AZIN1: variants seen among roughly 807,000 people sequenced by gnomAD.
AZIN1 encodes antizyme inhibitor 1, also known as ornithine decarboxylase antizyme inhibitor.
A neutral mutation model predicts 47.4 loss-of-function variants in AZIN1; 12 were observed. The observed-to-expected ratio is 0.25, with a 90% confidence interval of 0.16 to 0.41. The LOEUF (loss-of-function observed/expected upper bound fraction) is 0.41. Among genes scored for constraint, AZIN1 ranks in the 10% least tolerant of loss-of-function variants. The pLI, the probability that AZIN1 is intolerant of heterozygous loss-of-function variation, is 1.00. For synonymous variants in AZIN1, 155 were observed against 176.3 expected (o/e 0.88, Z 0.96); for missense variants, 410 against 532.4 (o/e 0.77, Z 2.26).
Position 102,828,683 on chromosome 8 carries a change from G to A in AZIN1, c.1236-5C>T, listed in dbSNP as rs368083707. On this transcript the variant is annotated splice_region_variant and splice_polypyrimidine_tract_variant and intron_variant, in intron 11 of 11. Coordinates refer to ENST00000337198, the MANE Select transcript of AZIN1 (RefSeq NM_148174.4). ...CCAGCATCTTGCATCTCATACCTAC[G>A]TAGAAAAAAAATCAGCTAAATTCTC... 40 of 1,581,856 alleles carry A rather than the reference G, an allele frequency of 2.5e-5. No individual in the cohort carries two copies. Among genetic ancestry groups the A allele is most frequent in the South Asian group, 1.5e-4 (13 of 88,570 alleles).
At chr8:102,830,401 CAAAAA>C (rs34437491) in intron 9 of AZIN1, among the ~76,000 whole-genome samples, 2 of 90,588 alleles carry the variant, frequency 2.2e-5, no homozygotes, top group Admixed American at 1.2e-4. Context: ...GACCCTGTCT[CAAAAA>C]AAAAAAAAAA....
chr8:102,861,132 GT>G (rs1813621935), intron 1 of AZIN1, among the ~76,000 whole-genome samples: 1 of 152,204 alleles, frequency 6.6e-6, no homozygotes, highest in African/African-American at 2.4e-5. Context: ...AACGTAAGAT[GT>G]TACTAATAAC....
intron 3 of AZIN1, among the ~76,000 whole-genome samples, chr8:102,841,802 A>T (rs1812199921): frequency 1.5e-5 from 1 of 65,448 alleles, no homozygotes; most frequent in African/African-American, 4.2e-5. Context: ...ATATATATAT[A>T]TATAAAAAAA....
At chr8:102,840,322 T>G (rs1353301578) in intron 3 of AZIN1, among the ~76,000 whole-genome samples, 1 of 152,138 alleles carries the variant, frequency 6.6e-6, no homozygotes, top group Non-Finnish European at 1.5e-5. Flanking sequence ...TAAGAGACCA[T>G]CTTCACTGGG....
chr8:102,841,847 G>C (rs893287773), intron 3 of AZIN1, among the ~76,000 whole-genome samples: 14 of 148,812 alleles, frequency 9.4e-5, no homozygotes, highest in Non-Finnish European at 1.6e-4. Flanking sequence ...GCGGTGGCTC[G>C]CGCCTGTAAT....
Position 102,828,625 on chromosome 8 carries a change from A to T in AZIN1, c.1289T>A (p.Phe430Tyr). ...CAGCTGAATGCAAGAAGGCACAAAGAAGAAGTTCTTCATCATTGAGTCTGA... is the reference window on the plus strand; with the variant it reads ...CAGCTGAATGCAAGAAGGCACAAAGTAGAAGTTCTTCATCATTGAGTCTGA... Reference protein sequence around the residue: ...ITSDSMMKNFFFVPSCIQLSQ... With the variant: ...ITSDSMMKNFYFVPSCIQLSQ... Residue 430 changes from phenylalanine (F) to tyrosine (Y), a missense_variant, in exon 12 of 12, where the codon TTC becomes TAC. This residue lies in a region of AZIN1 where 168 missense variants were observed against 198.3 expected (regional missense o/e 0.85). Coordinates refer to ENST00000337198, the MANE Select transcript of AZIN1 (RefSeq NM_148174.4). The T allele has an allele frequency of 6.2e-7, 1 of 1,611,902 alleles. No homozygotes were observed. Among genetic ancestry groups the T allele is most frequent in the Non-Finnish European group, 8.5e-7 (1 of 1,178,240 alleles).
At chr8:102,835,304 C>T (rs575704350) in intron 6 of AZIN1, 2 of 152,480 alleles carry the variant, frequency 1.3e-5, no homozygotes, top group Admixed American at 6.5e-5. Context: ...AGAACTGTAC[C>T]CGTAAAGTCC....
intron 2 of AZIN1, among the ~76,000 whole-genome samples, chr8:102,848,168 G>A (rs1812693772): frequency 6.6e-6 from 1 of 152,022 alleles, no homozygotes; most frequent in Admixed American, 6.5e-5. Context: ...TGTGTCGTAG[G>A]CTGTACTATC....
chr8:102,849,651 A>T (rs1812803587), intron 2 of AZIN1, among the ~76,000 whole-genome samples: 1 of 152,208 alleles, frequency 6.6e-6, no homozygotes, highest in East Asian at 1.9e-4. Flanking sequence ...TCTACTCACA[A>T]GCACTTTTAA....
rs1422437423 is a variant in AZIN1 at position 102,853,505 on chromosome 8, AAAAG to A, written c.-96+4504_-96+4507del. On this transcript the variant is annotated intron_variant, in intron 2 of 11. Transcript: ENST00000337198. ...CAACAAGAGCGAAACTTCGTCTCAAAAAAGAAAGAAAAAACTGGTCTACGTTGCT... is the reference window on the plus strand; with the variant it reads ...CAACAAGAGCGAAACTTCGTCTCAAAAAAGAAAAAACTGGTCTACGTTGCT... 3.3e-5 allele frequency among the ~76,000 whole-genome samples: 5 copies of A among 152,350 alleles called. No homozygotes were observed. In the South Asian group the frequency reaches 6.2e-4, roughly 19 times the overall value.
At position 102,841,774 on chromosome 8, in the gene AZIN1, TTGTA is replaced by T. The variant is rs767044019; in HGVS notation, c.102+1773_102+1776del. ...GGAAATTTCCTCCAATAAAGAAAGA[TTGTA>T]TCAGTTAAGTCTAATATATATATAT... On this transcript the variant is annotated intron_variant, in intron 3 of 11. Transcript: ENST00000337198. Among the ~76,000 whole-genome samples the T allele has an allele frequency of 1.6e-4, 23 of 146,916 alleles. No individual in the cohort carries two copies. The East Asian group carries it at 4.5e-3, about 29-fold the overall frequency.
At chr8:102,838,443 A>G (rs969334282) in intron 5 of AZIN1, among the ~76,000 whole-genome samples, 4 of 152,140 alleles carry the variant, frequency 2.6e-5, no homozygotes, top group African/African-American at 9.7e-5. Context: ...TTATAGAAAT[A>G]ATGAAAATAC....
At chr8:102,858,978 G>A (rs2679758) in intron 1 of AZIN1, 71,520 of 152,072 alleles carry the variant, frequency 0.47, 16,950 homozygotes, top group Admixed American at 0.52. Flanking sequence ...ATCTGACAGT[G>A]TTTGCTAGAA....
rs773576663 is a variant in AZIN1 at position 102,834,650 on chromosome 8, AAAAG to A, written c.666+12_666+15del. On this transcript the variant is annotated intron_variant, in intron 7 of 11. Transcript: ENST00000337198. ...CTAAAATAAAATATCAAAATAACTTAAAAGAAAGAACTTACAGCCATGTCAAACA... is the reference window on the plus strand; with the variant it reads ...CTAAAATAAAATATCAAAATAACTTAAAAGAACTTACAGCCATGTCAAACA... 2 of 1,565,816 alleles carry A rather than the reference AAAAG, an allele frequency of 1.3e-6. No homozygotes were observed. Among genetic ancestry groups the A allele is most frequent in the Non-Finnish European group, 1.7e-6 (2 of 1,145,210 alleles).
chr8:102,833,287 A>C lies in AZIN1; in HGVS notation c.742-69T>G, dbSNP rs570706340. 10 of 1,432,876 alleles carry C rather than the reference A, an allele frequency of 7.0e-6. No homozygotes were observed. The South Asian group carries it at 1.3e-4, about 19-fold the overall frequency. 88.8% of individuals were successfully genotyped at this position (1,432,876 alleles called of 1,614,324 possible). On this transcript the variant is annotated intron_variant, in intron 8 of 11. Transcript: ENST00000337198. The stretch of plus-strand genomic sequence containing the variant: ...GATAATTCGCAATATTCAGAGATTG[A>C]TATTAACAAAATTTTCTAGGAAAAT...
At chr8:102,830,921 G>A (rs1012789791) in intron 9 of AZIN1, among the ~76,000 whole-genome samples, 2 of 152,174 alleles carry the variant, frequency 1.3e-5, no homozygotes, top group Admixed American at 6.5e-5. Context: ...ACAGGTCACC[G>A]CAGCCTCGAG....
intron 1 of AZIN1, among the ~76,000 whole-genome samples, chr8:102,862,030 C>CAA (rs879368746): frequency 5.2e-4 from 71 of 137,122 alleles, no homozygotes; most frequent in African/African-American, 1.8e-3. Context: ...AGCTAGACTC[C>CAA]AAAAAAAAAA....
intron 2 of AZIN1, among the ~76,000 whole-genome samples, chr8:102,853,960 T>C (rs1248462045): frequency 6.6e-6 from 1 of 152,024 alleles, no homozygotes; most frequent in Admixed American, 6.5e-5. Flanking sequence ...TCCCTTTCCC[T>C]TGAGACAGTC....
rs1811169134 is a variant in AZIN1, at chr8:102,827,321, C to G, written c.*1246G>C. 1 of 152,066 alleles carries G rather than the reference C, an allele frequency of 6.6e-6. No individual in the cohort carries two copies. Among genetic ancestry groups the G allele is most frequent in the South Asian group, 2.1e-4 (1 of 4,830 alleles). The allele number at this position is 152,066 out of a possible 1,614,324, so 9.4% of individuals were successfully genotyped here. A position where few individuals can be genotyped will look rare whatever the true frequency, so the allele number is the denominator to read the frequency against. ...ACTGTCAGGTTAGTGATGCTAACTC[C>G]CTTCCCCCAACCACCATAAAATTTT... On this transcript the variant is annotated 3_prime_UTR_variant, in exon 12 of 12. Coordinates refer to ENST00000337198, the MANE Select transcript of AZIN1 (RefSeq NM_148174.4).
Sources: allele counts gnomAD v4.1 joint callset (sites outside exome capture counted in the v4.1 genomes callset), GRCh38; gene constraint gnomAD v4.1.1; regional missense constraint gnomAD v4.1.1; transcripts MANE v1.5; gene names NCBI Gene and HGNC (gene_info 2026-07-23, HGNC 2026-07-21).